Variants in ACOXL observed in about 807,000 individuals in gnomAD.
ACOXL encodes acyl-CoA oxidase like, also known as acyl-coenzyme A oxidase-like protein.
ACOXL carries 70 observed loss-of-function variants against 71.9 expected under a neutral mutation model. That is an observed-to-expected ratio of 0.97 (90% CI 0.80 to 1.19). The LOEUF (loss-of-function observed/expected upper bound fraction) is 1.19, where lower values mean the gene tolerates loss of function less well. Ranked by LOEUF, ACOXL falls within the 50% of genes most tolerant of loss-of-function variation. ACOXL has a pLI of 0.00. For synonymous variants in ACOXL, 253 were observed against 281.6 expected, an observed-to-expected ratio of 0.90 and a Z score of 1.02; for missense variants, 703 against 736.3, an observed-to-expected ratio of 0.95 and a Z score of 0.52.
At chr2:111,049,005 C>T (rs936593690) in intron 15 of ACOXL, among the ~76,000 whole-genome samples, 1 of 152,102 alleles carries the variant, frequency 6.6e-6, no homozygotes, top group Admixed American at 6.5e-5. Flanking sequence ...GCCTTGTACT[C>T]TACTGTAATG....
chr2:111,051,097 C>T (rs764190960), intron 16 of ACOXL, among the ~76,000 whole-genome samples: 8 of 152,184 alleles, frequency 5.3e-5, no homozygotes, highest in Non-Finnish European at 1.0e-4. Context: ...TTTATGTGGG[C>T]GTTTTCTCAA....
intron 15 of ACOXL, 112 bp from the exon 16 acceptor site, chr2:111,049,106 G>T: frequency 1.2e-6 from 1 of 863,912 alleles, no homozygotes. Flanking sequence ...CACCAAGGAA[G>T]GACGGACAGC....
intron 4 of ACOXL, 70 bp from the exon 5 acceptor site, chr2:110,794,006 G>A: frequency 6.7e-7 from 1 of 1,484,200 alleles, no homozygotes; most frequent in Non-Finnish European, 9.4e-7. Context: ...ATTCTTAATG[G>A]TCCGAGGGGT....
At chr2:110,934,221 C>G (rs1295977843) in intron 12 of ACOXL, among the ~76,000 whole-genome samples, 1 of 152,218 alleles carries the variant, frequency 6.6e-6, no homozygotes, top group African/African-American at 2.4e-5. Context: ...TGCAGGTCTC[C>G]ACACCCATGC....
At chr2:110,791,994 C>T (rs1236478691) in intron 3 of ACOXL, among the ~76,000 whole-genome samples, 3 of 152,220 alleles carry the variant, frequency 2.0e-5, no homozygotes, top group Non-Finnish European at 4.4e-5. Context: ...ACATTGGCTT[C>T]ATTCCCCAGC....
At chr2:110,799,248 T>G (rs1024498752) in intron 7 of ACOXL, 148 bp downstream of exon 7, 1 of 722,876 alleles carries the variant, frequency 1.4e-6, no homozygotes, top group Admixed American at 2.3e-5. Context: ...TGAAGCCTCA[T>G]GAAGTCTTTT....
At chr2:110,965,949 A>G (rs1215859441) in intron 12 of ACOXL, among the ~76,000 whole-genome samples, 1 of 152,150 alleles carries the variant, frequency 6.6e-6, no homozygotes, top group Non-Finnish European at 1.5e-5. Context: ...TAGCCAAGGG[A>G]CCAGGAAGAT....
intron 1 of ACOXL, among the ~76,000 whole-genome samples, chr2:110,754,914 A>G (rs1679469387): frequency 6.6e-6 from 1 of 152,198 alleles, no homozygotes; most frequent in South Asian, 2.1e-4. Context: ...AAACTTTTCT[A>G]GAGTTCCATT....
chr2:110,917,201 T>C (rs180853976), intron 11 of ACOXL, among the ~76,000 whole-genome samples: 8 of 152,304 alleles, frequency 5.3e-5, no homozygotes, highest in African/African-American at 1.7e-4. Context: ...TCAAAAACCT[T>C]ATCCATCACG....
At chr2:110,861,045 A>G (rs1693894653) in intron 10 of ACOXL, among the ~76,000 whole-genome samples, 1 of 152,226 alleles carries the variant, frequency 6.6e-6, no homozygotes, top group Non-Finnish European at 1.5e-5. Context: ...GAGGCACGAG[A>G]GTCACCTGAA....
At chr2:110,930,200 C>T (rs1353143922) in intron 11 of ACOXL, among the ~76,000 whole-genome samples, 1 of 152,228 alleles carries the variant, frequency 6.6e-6, no homozygotes, top group African/African-American at 2.4e-5. Flanking sequence ...CTGCCCAAGA[C>T]CATGGGAACC....
rs370035835 is a variant in ACOXL at position 110,845,181 on chromosome 2, G to A, written c.788+3776G>A. Among the ~76,000 whole-genome samples, 5 of 152,350 alleles carry A rather than the reference G, an allele frequency of 3.3e-5. No individual in the cohort carries two copies. In the East Asian group the frequency reaches 7.7e-4, roughly 24 times the overall value. Reference sequence around the variant, plus strand: ...AGGCGCCAGCAGGTTCAGTTGTCTGGTGAGGGCCTGGTCTCTGCTTCCAAG... The same window carrying A: ...AGGCGCCAGCAGGTTCAGTTGTCTGATGAGGGCCTGGTCTCTGCTTCCAAG... On this transcript the variant is annotated intron_variant, in intron 10 of 17. Transcript: ENST00000439055.
At chr2:110,818,441 GTGTGTGTGTGTA>G (rs1559303102) in intron 9 of ACOXL, among the ~76,000 whole-genome samples, 2 of 146,496 alleles carry the variant, frequency 1.4e-5, no homozygotes, top group African/African-American at 5.1e-5. Flanking sequence ...GTGTGTGTGT[GTGTGTGTGTGTA>G]TATATATATA....
intron 11 of ACOXL, among the ~76,000 whole-genome samples, chr2:110,921,388 ACC>A (rs376926482): frequency 0.049 from 2,817 of 57,648 alleles, 134 homozygotes; most frequent in African/African-American, 0.14. Context: ...CTATATATCC[ACC>A]CCCCCCCCCC....
intron 7 of ACOXL, 56 bp downstream of exon 7, chr2:110,799,156 G>A: frequency 6.6e-7 from 1 of 1,526,270 alleles, no homozygotes; most frequent in East Asian, 2.3e-5. Context: ...CTCCCCACCT[G>A]ACTCAAGGAG....
chr2:110,989,730 A>C (rs893573249), intron 13 of ACOXL, among the ~76,000 whole-genome samples: 4 of 152,206 alleles, frequency 2.6e-5, no homozygotes, highest in African/African-American at 9.7e-5. Context: ...ACTTAATACC[A>C]CTGAACTGTA....
chr2:111,051,371 T>C (rs755529477), intron 16 of ACOXL, among the ~76,000 whole-genome samples: 1 of 152,202 alleles, frequency 6.6e-6, no homozygotes, highest in Non-Finnish European at 1.5e-5. Context: ...TTTGCTCTAG[T>C]GAGCTATCCA....
chr2:110,815,336 C>CA (rs1241168174), intron 9 of ACOXL, among the ~76,000 whole-genome samples: 1 of 152,204 alleles, frequency 6.6e-6, no homozygotes, highest in Non-Finnish European at 1.5e-5. Context: ...CAAACCATGT[C>CA]AATCACTATA....
At chr2:110,801,757 T>G (rs765649977) in intron 8 of ACOXL, 33 bp downstream of exon 8, 6 of 1,591,202 alleles carry the variant, frequency 3.8e-6, no homozygotes, top group Non-Finnish European at 8.6e-7. Context: ...AGGTCAATGG[T>G]GCAGATGATC....
Sources: allele counts gnomAD v4.1 joint callset (sites outside exome capture counted in the v4.1 genomes callset), GRCh38; gene constraint gnomAD v4.1.1; transcripts MANE v1.5; gene names NCBI Gene and HGNC (gene_info 2026-07-23, HGNC 2026-07-21).